Variants in ALG12 observed in about 807,000 individuals in gnomAD.
The protein encoded by ALG12 is ALG12 alpha-1,6-mannosyltransferase.
In ALG12, 36 loss-of-function variants were observed where a neutral mutation model predicts 46.0. That is an observed-to-expected ratio of 0.78 (90% CI 0.60 to 1.03). The LOEUF (loss-of-function observed/expected upper bound fraction) is 1.03, where lower values mean the gene tolerates loss of function less well. Ranked by LOEUF, ALG12 falls within the 50% of genes least tolerant of loss-of-function variation. ALG12 has a pLI of 0.00. For missense variants in ALG12, 599 were observed against 633.5 expected (o/e 0.95, Z 0.58); for synonymous variants, 326 against 291.6 (o/e 1.12, Z -1.20).
the ALG12 span, among the ~76,000 whole-genome samples, chr22:49,866,378 C>G: frequency 5.3e-5 from 8 of 151,788 alleles, no homozygotes; most frequent in South Asian, 2.1e-4. Flanking sequence ...CTTTTTTAAT[C>G]CCCTCATTTC....
At chr22:49,867,399 G>T in the ALG12 span, among the ~76,000 whole-genome samples, 1 of 152,224 alleles carries the variant, frequency 6.6e-6, no homozygotes, top group South Asian at 2.1e-4. Context: ...AGGCACTGCG[G>T]TGCATCCACT....
At chr22:49,889,120 T>C in the ALG12 span, 2 of 167,224 alleles carry the variant, frequency 1.2e-5, no homozygotes, top group Admixed American at 1.3e-4. Flanking sequence ...GCCCTCCCTT[T>C]TCCAGGGCCT....
At chr22:49,907,575 G>A (rs1017305610) in intron 7 of ALG12, 146 bp downstream of exon 7, 36 of 905,886 alleles carry the variant, frequency 4.0e-5, no homozygotes, top group Non-Finnish European at 5.9e-5. Flanking sequence ...AGGAGTTGAG[G>A]GGTGCAGTAA....
chr22:49,892,747 C>T, the ALG12 span, among the ~76,000 whole-genome samples: 1 of 152,140 alleles, frequency 6.6e-6, no homozygotes, highest in East Asian at 1.9e-4. Context: ...GGCGATCTGC[C>T]TCACCTTTCT....
rs919267550 is a variant in ALG12 at position 49,901,086 on chromosome 22, C to T, written c.*2752G>A. On this transcript the variant is annotated 3_prime_UTR_variant, in exon 10 of 10. Transcript: ENST00000330817. ...AGGGTTCCCGCCAGCAAATCTCGTACACTTTGAACACCAGGATAATTAAAG... is the reference window on the plus strand; with the variant it reads ...AGGGTTCCCGCCAGCAAATCTCGTATACTTTGAACACCAGGATAATTAAAG... 3 of 152,248 alleles carry T rather than the reference C, an allele frequency of 2.0e-5. No homozygotes were observed. The highest frequency in any genetic ancestry group is 2.0e-4 in the Admixed American group (3 of 15,292). The allele number at this position is 152,248 out of a possible 1,614,324, so 9.4% of individuals were successfully genotyped here.
chr22:49,868,866 C>G, the ALG12 span, among the ~76,000 whole-genome samples: 1 of 151,116 alleles, frequency 6.6e-6, no homozygotes, highest in Admixed American at 6.6e-5. Context: ...AATCCCAGCA[C>G]TTTGGGAGGC....
chr22:49,891,243 G>T, the ALG12 span, among the ~76,000 whole-genome samples: 1 of 152,152 alleles, frequency 6.6e-6, no homozygotes, highest in African/African-American at 2.4e-5. Flanking sequence ...TATAATTCAA[G>T]GAAATGCTTC....
intron 3 of ALG12, among the ~76,000 whole-genome samples, chr22:49,911,942 G>A (rs796673372): frequency 9.5e-5 from 14 of 147,326 alleles, no homozygotes; most frequent in African/African-American, 1.6e-4. Flanking sequence ...TCTCAACCCC[G>A]TGCCCAACAA....
At chr22:49,866,821 G>A in the ALG12 span, among the ~76,000 whole-genome samples, 2 of 152,198 alleles carry the variant, frequency 1.3e-5, no homozygotes, top group African/African-American at 4.8e-5. Flanking sequence ...ACGGAAATTA[G>A]GAATCTGAAA....
At chr22:49,863,540 T>C in the ALG12 span, among the ~76,000 whole-genome samples, 1 of 151,990 alleles carries the variant, frequency 6.6e-6, no homozygotes. Flanking sequence ...GGCAGGAGAA[T>C]TGCTTGAACC....
the ALG12 span, among the ~76,000 whole-genome samples, chr22:49,864,617 G>GGCT: frequency 2.3e-4 from 35 of 152,096 alleles, no homozygotes; most frequent in Admixed American, 4.6e-4. Context: ...GGGAGTTTGA[G>GGCT]ACCAGCCTCA....
At chr22:49,916,743 G>A (rs1186147213) in intron 1 of ALG12, among the ~76,000 whole-genome samples, 2 of 152,192 alleles carry the variant, frequency 1.3e-5, no homozygotes, top group South Asian at 2.1e-4. Context: ...CTTGAGGCCC[G>A]GAGTTCAAGA....
downstream of ALG12, among the ~76,000 whole-genome samples, chr22:49,899,459 C>T (rs1408522788): frequency 7.0e-6 from 1 of 143,078 alleles, no homozygotes; most frequent in Non-Finnish European, 1.5e-5. Context: ...GCCTGGGTGA[C>T]AAAGTGAGAC....
the ALG12 span, among the ~76,000 whole-genome samples, chr22:49,882,459 A>G: frequency 6.6e-6 from 1 of 152,224 alleles, no homozygotes; most frequent in Non-Finnish European, 1.5e-5. Context: ...TGGTTTTATT[A>G]TAGAATATTT....
intron 3 of ALG12, 95 bp downstream of exon 3, chr22:49,913,290 A>G (rs2046588769): frequency 3.8e-6 from 6 of 1,572,194 alleles, no homozygotes; most frequent in Non-Finnish European, 5.2e-6. Context: ...ACTAACAGAC[A>G]GCGTTCCTGG....
chr22:49,884,035 T>A, the ALG12 span: 1 of 1,606,012 alleles, frequency 6.2e-7, no homozygotes, highest in Non-Finnish European at 8.5e-7. Context: ...GAAGCATTTT[T>A]TTATCTCTCC....
In ALG12 at chr22:49,903,786, G is replaced by C; in HGVS notation, c.*52C>G. The C allele has an allele frequency of 6.4e-7, 1 of 1,574,732 alleles. No individual in the cohort carries two copies. The highest frequency in any genetic ancestry group is 8.7e-7 in the Non-Finnish European group (1 of 1,144,696). ...GCTGGAATTGTGCCAGAAACTGGTA[G>C]TGATAACAGCTCCTGGAAGGCCTGT... On this transcript the variant is annotated 3_prime_UTR_variant, in exon 10 of 10. Coordinates refer to ENST00000330817, the MANE Select transcript of ALG12 (RefSeq NM_024105.4).
In ALG12 at chr22:49,901,640, GTGCA is replaced by G. The variant is rs1325701175; in HGVS notation, c.*2194_*2197del. 1 of 125,026 alleles carries G rather than the reference GTGCA, an allele frequency of 8.0e-6. No individual in the cohort carries two copies. Among genetic ancestry groups the G allele is most frequent in the Admixed American group, 6.9e-5 (1 of 14,414 alleles). The allele number at this position is 125,026 out of a possible 1,614,324, so 7.7% of individuals were successfully genotyped here. A position where few individuals can be genotyped will look rare whatever the true frequency, so the allele number is the denominator to read the frequency against. On this transcript the variant is annotated 3_prime_UTR_variant, in exon 10 of 10. Transcript: ENST00000330817. ...CATGCGTGGTGGGTATGTATGGTGT[GTGCA>G]CGTGTGATCATGCATGTATGGTGTG... is the stretch of plus-strand genomic sequence containing the variant.
the ALG12 span, chr22:49,886,935 G>A: frequency 6.2e-7 from 1 of 1,614,138 alleles, no homozygotes; most frequent in Non-Finnish European, 8.5e-7. The surrounding 1 kb of genome is among the most constrained non-coding windows in gnomAD (Gnocchi z 7.7). Context: ...ATCTGGAGGA[G>A]GAGGTGCTTG....
Sources: allele counts gnomAD v4.1 joint callset (sites outside exome capture counted in the v4.1 genomes callset), GRCh38; gene constraint gnomAD v4.1.1; non-coding constraint Gnocchi (gnomAD v3.1); transcripts MANE v1.5; gene names NCBI Gene and HGNC (gene_info 2026-07-23, HGNC 2026-07-21).